Variants in PRR16 observed in about 807,000 individuals in gnomAD.
PRR16 encodes protein Largen.
A neutral mutation model predicts 18.2 loss-of-function variants in PRR16; 6 were observed. The observed-to-expected ratio is 0.33, with a 90% CI of 0.18 to 0.65. PRR16 has a LOEUF of 0.65. PRR16 is among the 30% of genes least tolerant of loss of function. The pLI is 0.74. For missense variants in PRR16, 412 were observed against 376.6 expected (o/e 1.09, Z -0.78); for synonymous variants, 151 against 147.8 (o/e 1.02, Z -0.16).
intron 1 of PRR16, chr5:120,618,456 T>C (rs1183028429): frequency 1.0e-6 from 1 of 967,540 alleles, no homozygotes; most frequent in Non-Finnish European, 1.2e-6. Flanking sequence ...TTAGGTGCTG[T>C]GTCATGAATC....
chr5:120,611,722 G>T (rs375634400), intron 1 of PRR16, among the ~76,000 whole-genome samples: 18 of 152,226 alleles, frequency 1.2e-4, no homozygotes, highest in African/African-American at 3.1e-4. Context: ...TGCTGCAGGG[G>T]TGGGGCCCAC....
the PRR16 span, among the ~76,000 whole-genome samples, chr5:120,757,961 GGAGT>G: frequency 1.8e-4 from 28 of 152,186 alleles, no homozygotes; most frequent in African/African-American, 4.8e-4. Context: ...AGATAAATAA[GGAGT>G]GAGTAATTAC....
chr5:120,591,290 T>A (rs1753627393), intron 1 of PRR16, among the ~76,000 whole-genome samples: 1 of 151,870 alleles, frequency 6.6e-6, no homozygotes, highest in Non-Finnish European at 1.5e-5. Flanking sequence ...AAAAAAAGAA[T>A]AAATAAATAA....
At chr5:120,596,488 G>A (rs921571237) in intron 1 of PRR16, among the ~76,000 whole-genome samples, 2 of 151,516 alleles carry the variant, frequency 1.3e-5, no homozygotes, top group African/African-American at 2.4e-5. Context: ...CTTTGTTGTA[G>A]GAAGCATTTT....
the PRR16 span, among the ~76,000 whole-genome samples, chr5:120,719,407 A>G: frequency 6.6e-5 from 10 of 152,000 alleles, no homozygotes; most frequent in Non-Finnish European, 1.5e-4. Flanking sequence ...TTAAAGTATT[A>G]CACAATAAAT....
Position 120,661,889 on chromosome 5 carries a change from G to T in PRR16, c.160-24065G>T, listed in dbSNP as rs2150138892. On this transcript the variant is annotated intron_variant, in intron 1 of 1. Transcript: ENST00000407149. ...GAATTTTCTGTCTGAGGAACCACTA[G>T]TATGTTTATCCTTAGACCTAAGAAA... is the stretch of plus-strand genomic sequence containing the variant. 1.3e-5 allele frequency among the ~76,000 whole-genome samples: 2 copies of T among 152,238 alleles called. 1 individual carries two copies. Among genetic ancestry groups the T allele is most frequent in the Non-Finnish European group, 2.9e-5 (2 of 68,006 alleles).
At chr5:120,629,140 T>C (rs2112835951) in intron 1 of PRR16, among the ~76,000 whole-genome samples, 1 of 152,212 alleles carries the variant, frequency 6.6e-6, no homozygotes, top group South Asian at 2.1e-4. Context: ...CGTATTTGGT[T>C]TCCTATTTCT....
intron 1 of PRR16, among the ~76,000 whole-genome samples, chr5:120,656,302 C>T (rs1755973866): frequency 6.6e-6 from 1 of 151,652 alleles, no homozygotes; most frequent in Non-Finnish European, 1.5e-5. Context: ...ATATCTTTGC[C>T]TATCTTTGGT....
chr5:120,733,188 C>G, the PRR16 span, among the ~76,000 whole-genome samples: 1 of 152,070 alleles, frequency 6.6e-6, no homozygotes, highest in East Asian at 1.9e-4. Context: ...TTCTGTCACC[C>G]AGGCTGGAGT....
intron 1 of PRR16, among the ~76,000 whole-genome samples, chr5:120,601,553 A>C (rs996856018): frequency 1.3e-5 from 2 of 151,834 alleles, no homozygotes; most frequent in African/African-American, 4.8e-5. Context: ...TGCTGTGCAG[A>C]GGTTCTTTAG....
chr5:120,482,818 A>G (rs1749663501), intron 1 of PRR16, among the ~76,000 whole-genome samples: 1 of 152,190 alleles, frequency 6.6e-6, no homozygotes, highest in Non-Finnish European at 1.5e-5. Flanking sequence ...ATGTAGCAAC[A>G]TAGCAAAGTA....
intron 1 of PRR16, among the ~76,000 whole-genome samples, chr5:120,537,916 A>T (rs1751778761): frequency 6.7e-6 from 1 of 150,076 alleles, no homozygotes; most frequent in Non-Finnish European, 1.5e-5. Context: ...AGCTGGGACT[A>T]CAGGCGCCCG....
At chr5:120,650,731 T>C (rs1457495963) in intron 1 of PRR16, among the ~76,000 whole-genome samples, 10 of 152,208 alleles carry the variant, frequency 6.6e-5, no homozygotes, top group African/African-American at 2.4e-4. Flanking sequence ...CTATCATTGT[T>C]GGACATTTGG....
the PRR16 span, among the ~76,000 whole-genome samples, chr5:120,737,592 A>G: frequency 1.3e-5 from 2 of 150,618 alleles, no homozygotes; most frequent in Non-Finnish European, 3.0e-5. Flanking sequence ...AATAATGCTG[A>G]TCTCATAGAA....
the PRR16 span, among the ~76,000 whole-genome samples, chr5:120,783,061 G>A: frequency 2.6e-5 from 4 of 152,162 alleles, no homozygotes; most frequent in South Asian, 2.1e-4. Flanking sequence ...GGCAGTGCTC[G>A]CACTGCTCTC....
At chr5:120,756,112 G>C in the PRR16 span, among the ~76,000 whole-genome samples, 1 of 152,090 alleles carries the variant, frequency 6.6e-6, no homozygotes, top group Non-Finnish European at 1.5e-5. Flanking sequence ...TTGGTTGCCT[G>C]AGGGAACCAA....
At chr5:120,700,712 T>G in the PRR16 span, among the ~76,000 whole-genome samples, 1 of 152,064 alleles carries the variant, frequency 6.6e-6, no homozygotes, top group African/African-American at 2.4e-5. Context: ...AAACAGGCCC[T>G]TGAAAAGAAA....
the PRR16 span, among the ~76,000 whole-genome samples, chr5:120,785,858 C>A: frequency 6.6e-6 from 1 of 151,316 alleles, no homozygotes; most frequent in African/African-American, 2.4e-5. Flanking sequence ...TGTGAGCTAC[C>A]GCGCCTGGCC....
the PRR16 span, among the ~76,000 whole-genome samples, chr5:120,704,958 TAAG>T: frequency 5.9e-5 from 9 of 152,116 alleles, no homozygotes; most frequent in East Asian, 1.9e-4. Context: ...AATGCAGTAT[TAAG>T]AAGTAATTCC....
Sources: gnomAD v4.1 joint callset for allele counts (sites outside exome capture counted in the v4.1 genomes callset) on GRCh38, gnomAD v4.1.1 for gene constraint, MANE v1.5 for transcripts, NCBI Gene and HGNC (gene_info 2026-07-23, HGNC 2026-07-21) for gene names.